The following ZNF644 variants were observed in gnomAD, a reference collection of about 807,000 sequenced individuals.
ZNF644 encodes the protein zinc finger motif enhancer binding protein 2.
A neutral mutation model predicts 108.0 loss-of-function variants in ZNF644; 20 were observed. The observed-to-expected ratio is 0.19, with a 90% CI of 0.13 to 0.27. The LOEUF is 0.27. Ranked by LOEUF, ZNF644 falls within the 10% of genes least tolerant of loss-of-function variation. ZNF644 has a pLI of 1.00. For missense variants in ZNF644, 1,338 were observed against 1,548.9 expected (o/e 0.86, Z 2.29); for synonymous variants, 542 against 539.1 (o/e 1.01, Z -0.08).
In ZNF644 at chr1:90,918,043, G is replaced by A. The variant is rs1648997903; in HGVS notation, c.3791+9C>T. Reference sequence around the variant, plus strand: ...GAAACTGATCAGATTTGGCAATATAGGCATATACCTGCATCGGAGAATGTA... The same window carrying A: ...GAAACTGATCAGATTTGGCAATATAAGCATATACCTGCATCGGAGAATGTA... On this transcript the variant is annotated intron_variant, in intron 5 of 5. Transcript: ENST00000337393. The A allele has an allele frequency of 6.2e-7, 1 of 1,606,752 alleles. No individual in the cohort carries two copies. Among genetic ancestry groups the A allele is most frequent in the Non-Finnish European group, 8.5e-7 (1 of 1,173,436 alleles).
intron 1 of ZNF644, among the ~76,000 whole-genome samples, chr1:91,008,945 A>T (rs1659692275): frequency 3.3e-5 from 5 of 152,224 alleles, no homozygotes; most frequent in African/African-American, 1.2e-4. Context: ...GACCATCAGA[A>T]TTAAAAGAAA....
chr1:90,943,947 A>C (rs1368980724), intron 2 of ZNF644, among the ~76,000 whole-genome samples: 1 of 152,256 alleles, frequency 6.6e-6, no homozygotes, highest in East Asian at 1.9e-4. Flanking sequence ...ACAAAAAACT[A>C]GCTTGAAAGA....
At chr1:91,007,219 C>CGTT (rs1557658445) in intron 1 of ZNF644, among the ~76,000 whole-genome samples, 3 of 114,248 alleles carry the variant, frequency 2.6e-5, no homozygotes, top group Non-Finnish European at 3.7e-5. Context: ...CATTTTCTCC[C>CGTT]ATTTTGTTTT....
chr1:90,917,071 G>C, intron 5 of ZNF644, 81 bp from the exon 6 acceptor site: 1 of 1,397,382 alleles, frequency 7.2e-7, no homozygotes, highest in South Asian at 1.2e-5. Context: ...AAAACATAAG[G>C]AATAAACTTT....
intron 1 of ZNF644, among the ~76,000 whole-genome samples, chr1:90,999,067 T>C (rs192910453): frequency 2.6e-5 from 4 of 152,310 alleles, no homozygotes; most frequent in African/African-American, 7.2e-5. Context: ...CTACGCCTGA[T>C]TGGTGTACCT....
chr1:90,942,535 G>A (rs1652101507), intron 2 of ZNF644, among the ~76,000 whole-genome samples: 1 of 152,034 alleles, frequency 6.6e-6, no homozygotes, highest in South Asian at 2.1e-4. Flanking sequence ...CTTGCCATAG[G>A]TGCTCAGGCA....
intron 2 of ZNF644, among the ~76,000 whole-genome samples, chr1:90,950,514 A>T (rs1653031106): frequency 6.6e-6 from 1 of 151,716 alleles, no homozygotes; most frequent in Non-Finnish European, 1.5e-5. Flanking sequence ...CCTGGTAATG[A>T]TGAATCTTAT....
chr1:90,962,914 C>A lies in ZNF644; in HGVS notation c.44+19396G>T, dbSNP rs185231652. On this transcript the variant is annotated intron_variant, in intron 2 of 5. Coordinates refer to ENST00000337393, the MANE Select transcript of ZNF644 (RefSeq NM_201269.3). ...AAGGAAAGACTTCTTAAATGGGACACAAGCAGCATTAACAATAAGAGCAAA... is the reference window on the plus strand; with the variant it reads ...AAGGAAAGACTTCTTAAATGGGACAAAAGCAGCATTAACAATAAGAGCAAA... Among the ~76,000 whole-genome samples the A allele has an allele frequency of 2.6e-5, 4 of 152,162 alleles. No homozygotes were observed. The East Asian group carries it at 7.7e-4, about 29-fold the overall frequency.
At chr1:90,975,946 G>C (rs1197669705) in intron 2 of ZNF644, among the ~76,000 whole-genome samples, 1 of 151,708 alleles carries the variant, frequency 6.6e-6, no homozygotes, top group Non-Finnish European at 1.5e-5. Context: ...TTTATTTCTT[G>C]GTGTATTCAA....
At chr1:90,936,182 T>C (rs1306956075) in intron 4 of ZNF644, among the ~76,000 whole-genome samples, 1 of 152,182 alleles carries the variant, frequency 6.6e-6, no homozygotes, top group Non-Finnish European at 1.5e-5. Context: ...ATCTTAGTCA[T>C]CACAGGAAAA....
At position 91,018,563 on chromosome 1, in the gene ZNF644, T is replaced by C. The variant is rs75477779; in HGVS notation, c.-18+3427A>G. 1.5e-3 allele frequency among the ~76,000 whole-genome samples: 222 copies of C among 152,356 alleles called. 2 individuals carry two copies. Among genetic ancestry groups the C allele is most frequent in the African/African-American group, 5.2e-3 (218 of 41,580 alleles). On this transcript the variant is annotated intron_variant, in intron 1 of 5. Coordinates refer to ENST00000337393, the MANE Select transcript of ZNF644 (RefSeq NM_201269.3). ...TTTAAAAAATGGTTAAAACAAGTGC[T>C]CTATAAAATCAGGGTTAGATAACTC...
intron 2 of ZNF644, chr1:90,972,896 C>T (rs1655635923): frequency 1.3e-5 from 2 of 152,126 alleles, no homozygotes; most frequent in Non-Finnish European, 2.9e-5. Context: ...GCTTATGAGA[C>T]ACTTAGTCAA....
chr1:90,974,352 C>A (rs1034466514), intron 2 of ZNF644, among the ~76,000 whole-genome samples: 4 of 151,950 alleles, frequency 2.6e-5, no homozygotes, highest in Non-Finnish European at 5.9e-5. Context: ...ATTTGAGGGA[C>A]ATTAAGATTT....
At chr1:90,969,187 G>A (rs1208102861) in intron 2 of ZNF644, among the ~76,000 whole-genome samples, 1 of 152,074 alleles carries the variant, frequency 6.6e-6, no homozygotes, top group Non-Finnish European at 1.5e-5. Flanking sequence ...AGTCTAACTG[G>A]TGTCCTTATA....
At chr1:90,957,004 A>G (rs1415723698) in intron 2 of ZNF644, among the ~76,000 whole-genome samples, 1 of 152,198 alleles carries the variant, frequency 6.6e-6, no homozygotes, top group Non-Finnish European at 1.5e-5. Context: ...AAAGAATTAT[A>G]ACAGAATACT....
At position 90,938,737 on chromosome 1, in the gene ZNF644, C is replaced by T. The variant is rs1651618179; in HGVS notation, c.2617G>A (p.Ala873Thr). The T allele has an allele frequency of 6.2e-7, 1 of 1,613,766 alleles. No homozygotes were observed. Among genetic ancestry groups the T allele is most frequent in the Non-Finnish European group, 8.5e-7 (1 of 1,179,874 alleles). The stretch of plus-strand genomic sequence containing the variant: ...TCACTATAGGTTTCATCTTCTATGG[C>T]CTGTGTAGTGTAGTCTCCTAACTCA... The part of the protein sequence containing the change: ...NVELGDYTTQ[A>T]IEDETYSDIN... Residue 873 changes from alanine (A) to threonine (T), a missense_variant, in exon 3 of 6, where the codon GCC becomes ACC. Physicochemically the swap from Ala to Thr is moderately conservative, Grantham distance 58. This residue lies in a region of ZNF644 where 462 missense variants were observed against 472.6 expected (regional missense o/e 0.98). Transcript: ENST00000337393. This position sits in a 1 kb window ranked among gnomAD's most constrained non-coding sequence, Gnocchi z 4.2.
chr1:90,971,523 G>T (rs1017854245), intron 2 of ZNF644, among the ~76,000 whole-genome samples: 1 of 151,936 alleles, frequency 6.6e-6, no homozygotes. Context: ...GGGTTCAAGC[G>T]ATTCTCCTGC....
intron 2 of ZNF644, among the ~76,000 whole-genome samples, chr1:90,951,058 A>G (rs951464338): frequency 6.6e-6 from 1 of 152,168 alleles, no homozygotes; most frequent in Non-Finnish European, 1.5e-5. Context: ...CTCACACCTC[A>G]TATCTAAACC....
chr1:90,917,785 A>G (rs1648969406), intron 5 of ZNF644, among the ~76,000 whole-genome samples: 1 of 152,256 alleles, frequency 6.6e-6, no homozygotes, highest in African/African-American at 2.4e-5. Flanking sequence ...GGCATGAGCC[A>G]CCACACCTGG....
Sources: gnomAD v4.1 joint callset for allele counts (sites outside exome capture counted in the v4.1 genomes callset) on GRCh38, gnomAD v4.1.1 for gene constraint, gnomAD v4.1.1 regional missense constraint, Gnocchi (gnomAD v3.1) non-coding constraint, MANE v1.5 for transcripts, NCBI Gene and HGNC (gene_info 2026-07-23, HGNC 2026-07-21) for gene names.